Variants in SLC46A3 observed in about 807,000 individuals in gnomAD.
SLC46A3 encodes lysosomal proton-coupled steroid conjugate and bile acid symporter SLC46A3.
A neutral mutation model predicts 38.5 loss-of-function variants in SLC46A3; 26 were observed. That is an observed-to-expected ratio of 0.68 (90% confidence interval 0.49 to 0.94). The LOEUF (loss-of-function observed/expected upper bound fraction) is 0.94, where lower values mean the gene tolerates loss of function less well. Among genes scored for constraint, SLC46A3 ranks in the 40% least tolerant of loss-of-function variants. The pLI is 0.00. For synonymous variants in SLC46A3, 185 were observed against 192.5 expected (o/e 0.96, Z 0.32); for missense variants, 510 against 544.3 (o/e 0.94, Z 0.63).
chr13:28,701,139 A>G lies in SLC46A3; in HGVS notation c.*358T>C. 7.0e-7 allele frequency: 1 copy of G among 1,431,850 alleles called. No homozygotes were observed. The highest frequency in any genetic ancestry group is 9.2e-7 in the Non-Finnish European group (1 of 1,092,502). The allele number at this position is 1,431,850 out of a possible 1,614,324, so 88.7% of individuals were successfully genotyped here. ...GAGGTAAAGATTTCTCTTTGGTCTCAGTGTAAGAGCCTGGAATATGTCAGA... is the reference window on the plus strand; with the variant it reads ...GAGGTAAAGATTTCTCTTTGGTCTCGGTGTAAGAGCCTGGAATATGTCAGA... On this transcript the variant is annotated 3_prime_UTR_variant, in exon 6 of 6. Coordinates refer to ENST00000266943, the MANE Select transcript of SLC46A3 (RefSeq NM_181785.4).
At position 28,712,714 on chromosome 13, in the gene SLC46A3, G is replaced by A. The variant is rs762444283; in HGVS notation, c.1026C>T (p.Thr342=). ...IFTTMTGMAM[T]AFASTTLMMF... ...TCATCAGTGTTGTACTGGCAAACGC[G>A]GTCATAGCCATTCCTGTCATCGTGG... Residue 342 remains threonine, a synonymous_variant, in exon 3 of 6, where the codon ACC becomes ACT. Transcript: ENST00000266943. 55 of 1,603,776 alleles carry A rather than the reference G, an allele frequency of 3.4e-5. No individual in the cohort carries two copies. Among genetic ancestry groups the A allele is most frequent in the East Asian group, 1.1e-4 (5 of 44,844 alleles).
At chr13:28,708,181 A>G (rs1453483973) in intron 4 of SLC46A3, among the ~76,000 whole-genome samples, 1 of 152,156 alleles carries the variant, frequency 6.6e-6, no homozygotes, top group African/African-American at 2.4e-5. Flanking sequence ...TTCTCATGGT[A>G]TGTAAGTAGG....
chr13:28,711,288 G>A (rs1224423772), intron 3 of SLC46A3, among the ~76,000 whole-genome samples: 1 of 152,092 alleles, frequency 6.6e-6, no homozygotes, highest in Admixed American at 6.5e-5. Flanking sequence ...GCCAGGCGTG[G>A]TGGCGCATGC....
chr13:28,710,312 TC>T, intron 4 of SLC46A3, among the ~76,000 whole-genome samples: 1 of 152,298 alleles, frequency 6.6e-6, no homozygotes, highest in East Asian at 1.9e-4. Context: ...GCCCCTTGGC[TC>T]CTTCCTTGGT....
chr13:28,717,795 A>G lies in SLC46A3; in HGVS notation c.189+15T>C, dbSNP rs1476971658. The G allele has an allele frequency of 5.0e-6, 8 of 1,608,808 alleles. No homozygotes were observed. The South Asian group carries it at 8.8e-5, about 18-fold the overall frequency. On this transcript the variant is annotated intron_variant, in intron 2 of 5. Coordinates refer to ENST00000266943, the MANE Select transcript of SLC46A3 (RefSeq NM_181785.4). ...TCCCATTTTATTAAATACTATGGAT[A>G]TTGTAATTTCTTACCTCCTGGAATG...
In SLC46A3 at chr13:28,701,500, C is replaced by T. The variant is rs1226105065; in HGVS notation, c.1383G>A (p.Arg461=). The change falls in exon 6 of 6, where the codon AGG becomes AGA. Residue 461 remains arginine, a synonymous_variant. Transcript: ENST00000266943. ...TTTTTGTTTGTTTAAATCACAGTCA[C>T]CTGTCTGAAGCATCTTCACTGGATT... ...QEESSEDASD[R] The T allele has an allele frequency of 1.2e-6, 2 of 1,612,164 alleles. No homozygotes were observed. The highest frequency in any genetic ancestry group is 1.7e-5 in the Admixed American group (1 of 59,760).
intron 2 of SLC46A3, 111 bp downstream of exon 2, chr13:28,717,699 T>G: frequency 9.1e-7 from 1 of 1,100,678 alleles, no homozygotes; most frequent in Non-Finnish European, 1.3e-6. Flanking sequence ...TTTAGGACTT[T>G]GATGGCCGCC....
chr13:28,701,271 C>A lies in SLC46A3; in HGVS notation c.*226G>T. ...AAGTGAGGCGTATTTGAAATTTGTT[C>A]TGTGTATTGCAAGTATATTGCATGA... On this transcript the variant is annotated 3_prime_UTR_variant, in exon 6 of 6. Coordinates refer to ENST00000266943, the MANE Select transcript of SLC46A3 (RefSeq NM_181785.4). 1 of 1,400,116 alleles carries A rather than the reference C, an allele frequency of 7.1e-7. No individual in the cohort carries two copies. Among genetic ancestry groups the A allele is most frequent in the Non-Finnish European group, 9.3e-7 (1 of 1,080,486 alleles). 86.7% of individuals were successfully genotyped at this position (1,400,116 alleles called of 1,614,324 possible). A position where few individuals can be genotyped will look rare whatever the true frequency, so the allele number is the denominator to read the frequency against.
At chr13:28,705,358 T>G (rs1885145193) in intron 4 of SLC46A3, among the ~76,000 whole-genome samples, 2 of 152,224 alleles carry the variant, frequency 1.3e-5, no homozygotes, top group East Asian at 3.9e-4. Flanking sequence ...AGATATGGCT[T>G]ATGTGTATAT....
chr13:28,708,614 C>CTTTTTTTTTTTTTTTTTTTTTTTTTTT, intron 4 of SLC46A3, among the ~76,000 whole-genome samples: 1 of 128,266 alleles, frequency 7.8e-6, no homozygotes, highest in Non-Finnish European at 1.7e-5. Context: ...TTTTTCTTTT[C>CTTTTTTTTTTTTTTTTTTTTTTTTTTT]TTTTTTTTTT....
intron 4 of SLC46A3, among the ~76,000 whole-genome samples, chr13:28,705,487 G>C (rs1885148096): frequency 6.6e-6 from 1 of 152,026 alleles, no homozygotes; most frequent in African/African-American, 2.4e-5. Context: ...TTGAATGATA[G>C]GACAAACATT....
intron 4 of SLC46A3, chr13:28,704,598 T>C (rs1885123983): frequency 6.6e-6 from 1 of 152,384 alleles, no homozygotes; most frequent in Non-Finnish European, 1.5e-5. Flanking sequence ...TTCCTCAGTC[T>C]GGCAAGTGAC....
intron 5 of SLC46A3, among the ~76,000 whole-genome samples, chr13:28,702,213 G>A (rs1040732664): frequency 1.3e-5 from 2 of 151,722 alleles, no homozygotes; most frequent in Non-Finnish European, 2.9e-5. Flanking sequence ...TTGAACTCCT[G>A]GCCTCAAGCA....
chr13:28,705,861 GACTGCACAGT>G (rs1402146491), intron 4 of SLC46A3, among the ~76,000 whole-genome samples: 1 of 152,156 alleles, frequency 6.6e-6, no homozygotes, highest in East Asian at 1.9e-4. Context: ...ATGGAAAACA[GACTGCACAGT>G]ACTAGTTCTA....
Position 28,718,522 on chromosome 13 carries a change from C to T in SLC46A3, c.-51G>A, listed in dbSNP as rs1397872001. On this transcript the variant is annotated 5_prime_UTR_variant, in exon 1 of 6. Coordinates refer to ENST00000266943, the MANE Select transcript of SLC46A3 (RefSeq NM_181785.4). The stretch of plus-strand genomic sequence containing the variant: ...CCACGATTACAGTCTTCCTGCCAGG[C>T]TGGGTACAGGTCGGGCCGTGCCAGG... The T allele has an allele frequency of 6.5e-6, 1 of 152,710 alleles. No individual in the cohort carries two copies. Among genetic ancestry groups the T allele is most frequent in the Non-Finnish European group, 1.5e-5 (1 of 68,392 alleles). 9.5% of individuals were successfully genotyped at this position (152,710 alleles called of 1,614,324 possible). A position where few individuals can be genotyped will look rare whatever the true frequency, so the allele number is the denominator to read the frequency against.
rs1300234 is a variant in SLC46A3, at chr13:28,718,730, T to G, written c.-259A>C. 43,652 of 152,288 alleles carry G rather than the reference T, an allele frequency of 0.29. 6,601 individuals are homozygous for G. Among genetic ancestry groups the G allele is most frequent in the Middle Eastern group, 0.4 (119 of 296 alleles). The allele number at this position is 152,288 out of a possible 1,614,324, so 9.4% of individuals were successfully genotyped here. A position where few individuals can be genotyped will look rare whatever the true frequency, so the allele number is the denominator to read the frequency against. The stretch of plus-strand genomic sequence containing the variant: ...GCTTGTCGGGGAGTCTCAAGCGTAT[T>G]GTAAAGCAAACCTCGGCAAGCGCAC... On this transcript the variant is annotated 5_prime_UTR_variant, in exon 1 of 6. Coordinates refer to ENST00000266943, the MANE Select transcript of SLC46A3 (RefSeq NM_181785.4).
intron 4 of SLC46A3, among the ~76,000 whole-genome samples, chr13:28,708,768 C>T (rs1451099751): frequency 1.3e-5 from 2 of 151,806 alleles, no homozygotes; most frequent in Non-Finnish European, 2.9e-5. Context: ...GCCTCACTTT[C>T]TTGATGTTGT....
At chr13:28,715,950 T>C (rs1593191710) in intron 2 of SLC46A3, among the ~76,000 whole-genome samples, 2 of 133,208 alleles carry the variant, frequency 1.5e-5, no homozygotes, top group Non-Finnish European at 3.1e-5. Context: ...AAGGCCAGCC[T>C]GGGAAACAGA....
chr13:28,703,653 C>A (rs1566118624), intron 5 of SLC46A3: 1 of 168,030 alleles, frequency 6.0e-6, no homozygotes, highest in Non-Finnish European at 1.3e-5. Flanking sequence ...TTCAGACATA[C>A]ACCACCATGA....
Sources: allele counts gnomAD v4.1 joint callset (sites outside exome capture counted in the v4.1 genomes callset), GRCh38; gene constraint gnomAD v4.1.1; transcripts MANE v1.5; gene names NCBI Gene and HGNC (gene_info 2026-07-23, HGNC 2026-07-21).